Variants in SOAT2 observed in about 807,000 individuals in gnomAD.
SOAT2 encodes the protein ACAT-2.
Under a neutral mutation model 76.0 loss-of-function variants are expected in SOAT2, and 87 were observed. The observed-to-expected ratio is 1.14, with a 90% CI of 0.96 to 1.37. The LOEUF (loss-of-function observed/expected upper bound fraction) is 1.37, where lower values mean the gene tolerates loss of function less well. Ranked by LOEUF, SOAT2 falls within the 40% of genes most tolerant of loss-of-function variation. The probability of loss-of-function intolerance (pLI) is 0.00; values close to 1 mark genes in which losing one functional copy is unlikely to be tolerated. For missense variants in SOAT2, 686 were observed against 682.1 expected (o/e 1.01, Z -0.06); for synonymous variants, 285 against 275.4 (o/e 1.03, Z -0.34).
In SOAT2 at chr12:53,115,643, G is replaced by A. The variant is rs1408390700; in HGVS notation, c.697G>A (p.Val233Ile). ...CCCGCCGGCCTCCCGTTGTGTCCTGGTCTTCGAGCAGGTGAGGGCCGAGCC... is the reference window on the plus strand; with the variant it reads ...CCCGCCGGCCTCCCGTTGTGTCCTGATCTTCGAGCAGGTGAGGGCCGAGCC... The part of the protein sequence containing the change: ...QLPPASRCVL[V>I]FEQVRFLMKS... The change falls in exon 6 of 15, where the codon GTC (valine) becomes ATC (isoleucine). Residue 233 changes from valine (V) to isoleucine (I), a missense_variant. Val to Ile is a conservative substitution (Grantham distance 29). Coordinates refer to ENST00000301466, the MANE Select transcript of SOAT2 (RefSeq NM_003578.4). 5 of 1,538,774 alleles carry A rather than the reference G, an allele frequency of 3.2e-6. No homozygotes were observed. The Admixed American group carries it at 5.7e-5, about 18-fold the overall frequency.
At chr12:53,104,499 C>G (rs1937897903) in intron 2 of SOAT2, among the ~76,000 whole-genome samples, 3 of 151,946 alleles carry the variant, frequency 2.0e-5, no homozygotes, top group Admixed American at 1.3e-4. Flanking sequence ...GTCTTGAACT[C>G]CTGACCTCAA....
intron 2 of SOAT2, among the ~76,000 whole-genome samples, chr12:53,104,437 T>A (rs925682525): frequency 6.6e-6 from 1 of 150,562 alleles, no homozygotes; most frequent in African/African-American, 2.4e-5. Flanking sequence ...TGTGGCTAAT[T>A]TTTTTTTTAT....
intron 11 of SOAT2, 69 bp downstream of exon 11, chr12:53,120,952 G>T (rs1302792172): frequency 4.2e-6 from 5 of 1,195,154 alleles, no homozygotes; most frequent in Non-Finnish European, 6.3e-6. Flanking sequence ...TGGGGAAGAT[G>T]GTAGCCAGGT....
intron 5 of SOAT2, among the ~76,000 whole-genome samples, chr12:53,110,622 T>C (rs949277898): frequency 6.6e-6 from 1 of 152,214 alleles, no homozygotes; most frequent in Admixed American, 6.5e-5. Context: ...TTCTCTTTTC[T>C]TTAATATCTT....
chr12:53,111,137 A>T (rs1938005183), intron 5 of SOAT2, among the ~76,000 whole-genome samples: 1 of 142,470 alleles, frequency 7.0e-6, no homozygotes, highest in Admixed American at 6.9e-5. Context: ...ATGGAGTCTC[A>T]CTCTGTCACC....
At chr12:53,114,159 C>G (rs1938065172) in intron 5 of SOAT2, among the ~76,000 whole-genome samples, 1 of 152,110 alleles carries the variant, frequency 6.6e-6, no homozygotes, top group Non-Finnish European at 1.5e-5. Flanking sequence ...CACATCCCCT[C>G]TCCCTATGTT....
intron 10 of SOAT2, among the ~76,000 whole-genome samples, chr12:53,119,987 A>G (rs1224753887): frequency 6.6e-6 from 1 of 152,204 alleles, no homozygotes; most frequent in Non-Finnish European, 1.5e-5. Flanking sequence ...CTCTATCACC[A>G]ACATCTGGCA....
intron 12 of SOAT2, 109 bp downstream of exon 12, chr12:53,121,510 C>T (rs891374134): frequency 5.7e-5 from 48 of 849,190 alleles, no homozygotes; most frequent in African/African-American, 4.7e-4. Context: ...CACCTAAGGG[C>T]CTAAGGGCCG....
At chr12:53,105,479 G>C in intron 3 of SOAT2, 82 bp from the exon 4 acceptor site, 1 of 1,404,810 alleles carries the variant, frequency 7.1e-7, no homozygotes, top group African/African-American at 1.4e-5. Context: ...ACTCCCCTTG[G>C]CTCCCAAGTA....
chr12:53,119,197 G>T lies in SOAT2; in HGVS notation c.983G>T (p.Arg328Leu). ...LCVPVFANMS[R>L]EPFSTRALVL... ...GTTCCTGTCTTTGCCAACATGAGCC[G>T]AGAGCCCTTCAGCACCCGTGCCCTG... The change falls in exon 10 of 15, where the codon CGA becomes CTA. Residue 328 changes from arginine (R) to leucine (L), a missense_variant. Transcript: ENST00000301466. 1.2e-5 allele frequency: 19 copies of T among 1,614,048 alleles called. No individual in the cohort carries two copies. Among genetic ancestry groups the T allele is most frequent in the Non-Finnish European group, 1.6e-5 (19 of 1,180,018 alleles).
chr12:53,108,047 A>G (rs1432263350), intron 5 of SOAT2, among the ~76,000 whole-genome samples: 5 of 152,228 alleles, frequency 3.3e-5, no homozygotes, highest in African/African-American at 1.2e-4. Flanking sequence ...AGCAAGAATA[A>G]TTAGTTTCAC....
At chr12:53,104,404 A>T (rs3782149) in intron 2 of SOAT2, among the ~76,000 whole-genome samples, 198 bp downstream of exon 2, 2 of 151,254 alleles carry the variant, frequency 1.3e-5, no homozygotes, top group Admixed American at 6.6e-5. Context: ...CGAGTAGCTG[A>T]ACTACAGATG....
chr12:53,122,952 G>A (rs975137720), intron 12 of SOAT2, 129 bp from the exon 13 acceptor site: 30 of 1,019,382 alleles, frequency 2.9e-5, no homozygotes, highest in African/African-American at 1.0e-4. Context: ...GCGGCTGGCC[G>A]GGCGGGGGGC....
At chr12:53,109,308 C>A (rs1345589378) in intron 5 of SOAT2, among the ~76,000 whole-genome samples, 1 of 152,020 alleles carries the variant, frequency 6.6e-6, no homozygotes, top group East Asian at 1.9e-4. Flanking sequence ...TTATAGCAGT[C>A]TCTCATAACT....
intron 10 of SOAT2, among the ~76,000 whole-genome samples, chr12:53,120,039 T>C (rs950467860): frequency 1.3e-5 from 2 of 152,186 alleles, no homozygotes; most frequent in Admixed American, 1.3e-4. Context: ...AATGGATGAA[T>C]AAATGAATGC....
Position 53,118,408 on chromosome 12 carries a change from A to G in SOAT2, c.837A>G (p.Thr279=), listed in dbSNP as rs777214976. Residue 279 remains threonine (T), a synonymous_variant, in exon 8 of 15, where the codon ACA becomes ACG. Transcript: ENST00000301466. ...ACCTCTACTTCCTCTTCTGCCCAACACTCATCTACAGGGAGACTTACCCTA... is the reference window on the plus strand; with the variant it reads ...ACCTCTACTTCCTCTTCTGCCCAACGCTCATCTACAGGGAGACTTACCCTA... ...SSYLYFLFCP[T]LIYRETYPRT... is the part of the protein sequence containing the mutation. 1 of 1,612,260 alleles carries G rather than the reference A, an allele frequency of 6.2e-7. No homozygotes were observed. The highest frequency in any genetic ancestry group is 8.5e-7 in the Non-Finnish European group (1 of 1,179,374).
At chr12:53,119,409 G>C (rs1168358854) in intron 10 of SOAT2, among the ~76,000 whole-genome samples, 156 bp downstream of exon 10, 3 of 152,056 alleles carry the variant, frequency 2.0e-5, no homozygotes, top group Non-Finnish European at 4.4e-5. Flanking sequence ...CATGGTCTCA[G>C]TTCAGACCAT....
rs1212475407 is a variant in SOAT2 at position 53,119,270 on chromosome 12, A to T, written c.1039+17A>T. On this transcript the variant is annotated intron_variant, in intron 10 of 14. Coordinates refer to ENST00000301466, the MANE Select transcript of SOAT2 (RefSeq NM_003578.4). ...CGTTGCCAGGTGAGCCAACTAAGGT[A>T]GGGCTAGAGCAGCTGTGCCCTGGGG... 1.2e-6 allele frequency: 2 copies of T among 1,613,586 alleles called. No homozygotes were observed.
intron 6 of SOAT2, 113 bp from the exon 7 acceptor site, chr12:53,115,984 C>A: frequency 1.1e-6 from 1 of 928,734 alleles, no homozygotes; most frequent in Non-Finnish European, 1.8e-6. Flanking sequence ...GGGCTCTGAC[C>A]AGACAGATCT....
Sources: gnomAD v4.1 joint callset for allele counts (sites outside exome capture counted in the v4.1 genomes callset) on GRCh38, gnomAD v4.1.1 for gene constraint, MANE v1.5 for transcripts, NCBI Gene and HGNC (gene_info 2026-07-23, HGNC 2026-07-21) for gene names.